The following CLDN14 variants were observed in gnomAD, a reference collection of about 807,000 sequenced individuals.
The protein encoded by CLDN14 is claudin 14, also known as claudin-14.
In CLDN14, 2 loss-of-function variants were observed where a neutral mutation model predicts 2.1. The observed-to-expected ratio is 0.96, with a 90% CI of 0.39 to 3.01. CLDN14 has a LOEUF of 3.01. CLDN14 is among the 30% of genes most tolerant of loss of function. CLDN14 has a pLI of 0.09. For synonymous variants in CLDN14, 136 were observed against 154.4 expected, an observed-to-expected ratio of 0.88 and a Z score of 0.88; for missense variants, 298 against 328.0, an observed-to-expected ratio of 0.91 and a Z score of 0.71.
intron 2 of CLDN14, among the ~76,000 whole-genome samples, chr21:36,495,144 A>T (rs1347434386): frequency 6.6e-6 from 1 of 152,164 alleles, no homozygotes; most frequent in Non-Finnish European, 1.5e-5. Context: ...CCTGACCAAC[A>T]TTGTGAAACC....
intron 1 of CLDN14, among the ~76,000 whole-genome samples, chr21:36,520,110 G>A (rs1382148078): frequency 6.6e-6 from 1 of 152,084 alleles, no homozygotes; most frequent in East Asian, 1.9e-4. Flanking sequence ...GCCCCTCCCT[G>A]GCTTCTAAAC....
At chr21:36,465,918 G>A (rs2086640242) in intron 1 of CLDN14, among the ~76,000 whole-genome samples, 1 of 152,162 alleles carries the variant, frequency 6.6e-6, no homozygotes, top group Non-Finnish European at 1.5e-5. Flanking sequence ...CCTGCATTTG[G>A]GTTCACAAAA....
At chr21:36,517,272 C>T (rs1018432931) in intron 1 of CLDN14, among the ~76,000 whole-genome samples, 1 of 152,226 alleles carries the variant, frequency 6.6e-6, no homozygotes, top group Admixed American at 6.5e-5. Context: ...CGTTTGTGTA[C>T]TCTCTCTAGC....
At chr21:36,552,549 C>A (rs1384374353) in intron 1 of CLDN14, among the ~76,000 whole-genome samples, 1 of 152,116 alleles carries the variant, frequency 6.6e-6, no homozygotes, top group African/African-American at 2.4e-5. Flanking sequence ...TCAGTTTGAC[C>A]CTCTAGAGAT....
chr21:36,491,780 T>A (rs558009502), intron 2 of CLDN14, among the ~76,000 whole-genome samples: 14 of 152,232 alleles, frequency 9.2e-5, no homozygotes, highest in Non-Finnish European at 1.9e-4. Flanking sequence ...TGTACAGCTT[T>A]CCCAGTAAAT....
chr21:36,479,047 C>A (rs1321537057), intron 1 of CLDN14, among the ~76,000 whole-genome samples: 1 of 152,140 alleles, frequency 6.6e-6, no homozygotes, highest in African/African-American at 2.4e-5. Flanking sequence ...GGAGAATGTT[C>A]CCAAGTCTGG....
chr21:36,489,131 A>AAAAAT, intron 2 of CLDN14, among the ~76,000 whole-genome samples: 831 of 62,734 alleles, frequency 0.013, 8 homozygotes, highest in East Asian at 0.023. Context: ...AAAAAAAAAA[A>AAAAAT]ATATATATAT....
Position 36,479,795 on chromosome 21 carries a change from T to C in CLDN14, c.-382A>G, listed in dbSNP as rs1395120571. On this transcript the variant is annotated 5_prime_UTR_variant, in exon 1 of 2. It removes an upstream start codon present in the reference 5' UTR. Transcript: ENST00000399135. ...CATTCAAGACCAACCAGAAATGTCA[T>C]TTCTGCACTGTGGAAAAAAAATGCA... 6.6e-6 allele frequency: 1 copy of C among 152,240 alleles called. No homozygotes were observed. The highest frequency in any genetic ancestry group is 1.9e-4 in the East Asian group (1 of 5,192). The allele number at this position is 152,240 out of a possible 1,614,324, so 9.4% of individuals were successfully genotyped here.
chr21:36,490,310 C>A (rs2086947670), intron 2 of CLDN14, among the ~76,000 whole-genome samples: 1 of 152,036 alleles, frequency 6.6e-6, no homozygotes, highest in Non-Finnish European at 1.5e-5. Flanking sequence ...CTTAAGAGAT[C>A]CTCCTGCCTC....
At chr21:36,465,381 A>C (rs890838460) in intron 1 of CLDN14, among the ~76,000 whole-genome samples, 2 of 152,224 alleles carry the variant, frequency 1.3e-5, no homozygotes, top group African/African-American at 4.8e-5. Flanking sequence ...TTTAGAAACC[A>C]TTAGGTTGCT....
chr21:36,529,756 G>A (rs767070996), intron 1 of CLDN14, among the ~76,000 whole-genome samples: 40 of 152,128 alleles, frequency 2.6e-4, no homozygotes, highest in Admixed American at 1.2e-3. Flanking sequence ...AGCTATGGAC[G>A]TTGTCTCATA....
chr21:36,504,910 G>T (rs2087118711), intron 2 of CLDN14, among the ~76,000 whole-genome samples: 1 of 152,172 alleles, frequency 6.6e-6, no homozygotes, highest in Non-Finnish European at 1.5e-5. Flanking sequence ...AAGAAAATTT[G>T]GGCTGATAGG....
intron 2 of CLDN14, among the ~76,000 whole-genome samples, chr21:36,490,053 T>A (rs2086945117): frequency 6.6e-6 from 1 of 152,238 alleles, no homozygotes; most frequent in South Asian, 2.1e-4. Context: ...AGGATGACTT[T>A]GCTGCGGCCT....
intron 2 of CLDN14, chr21:36,486,393 C>T (rs762731282): frequency 1.8e-5 from 19 of 1,064,136 alleles, no homozygotes; most frequent in Admixed American, 1.7e-4. Flanking sequence ...TGCAGCTGCT[C>T]GTCTGGGCTC....
chr21:36,489,280 T>G, intron 2 of CLDN14, among the ~76,000 whole-genome samples: 1 of 151,522 alleles, frequency 6.6e-6, no homozygotes, highest in Non-Finnish European at 1.5e-5. Context: ...CCATCAAATG[T>G]GGTCTTGCAG....
intron 1 of CLDN14, among the ~76,000 whole-genome samples, chr21:36,521,688 C>T (rs2146493355): frequency 6.6e-6 from 1 of 152,280 alleles, no homozygotes; most frequent in South Asian, 2.1e-4. Context: ...CTGGTGGTCA[C>T]TGCTGGGAGT....
intron 1 of CLDN14, among the ~76,000 whole-genome samples, chr21:36,554,198 G>A (rs924674698): frequency 6.6e-6 from 1 of 152,086 alleles, no homozygotes; most frequent in Non-Finnish European, 1.5e-5. Flanking sequence ...TTGGATATAT[G>A]GCCCTTTCAT....
intron 1 of CLDN14, among the ~76,000 whole-genome samples, chr21:36,511,739 A>C (rs1012761332): frequency 1.9e-4 from 29 of 152,196 alleles, no homozygotes; most frequent in African/African-American, 6.7e-4. Context: ...ACCAAGACCT[A>C]AGATGATATT....
intron 1 of CLDN14, among the ~76,000 whole-genome samples, chr21:36,566,061 T>C (rs1405886834): frequency 1.3e-5 from 2 of 152,246 alleles, no homozygotes; most frequent in Non-Finnish European, 2.9e-5. Context: ...CATATTAGCA[T>C]GTCTAATTTT....
Sources: gnomAD v4.1 joint callset for allele counts (sites outside exome capture counted in the v4.1 genomes callset) on GRCh38, gnomAD v4.1.1 for gene constraint, MANE v1.5 for transcripts, NCBI Gene and HGNC (gene_info 2026-07-23, HGNC 2026-07-21) for gene names.